The following ARHGAP21 variants were observed in gnomAD, a reference collection of about 807,000 sequenced individuals.
ARHGAP21 encodes the protein rho GTPase-activating protein 21.
In ARHGAP21, 38 loss-of-function variants were observed where a neutral mutation model predicts 164.6. The ratio of observed to expected loss-of-function variants is 0.23; its 90% CI spans 0.18 to 0.30. The LOEUF is 0.30. Ranked by LOEUF, ARHGAP21 falls within the 10% of genes least tolerant of loss-of-function variation. The pLI, the probability that ARHGAP21 is intolerant of heterozygous loss-of-function variation, is 1.00. For missense variants in ARHGAP21, 1,822 were observed against 2,370.7 expected (o/e 0.77, Z 4.81); for synonymous variants, 766 against 857.9 (o/e 0.89, Z 1.87).
intron 4 of ARHGAP21, among the ~76,000 whole-genome samples, chr10:24,662,696 T>C (rs1211007650): frequency 6.6e-6 from 1 of 152,242 alleles, no homozygotes; most frequent in African/African-American, 2.4e-5. Flanking sequence ...ACAGATCTTC[T>C]GGACTTAATA....
chr10:24,641,647 T>C (rs1211789436), intron 4 of ARHGAP21, among the ~76,000 whole-genome samples: 87 of 152,228 alleles, frequency 5.7e-4, no homozygotes, highest in Non-Finnish European at 5.9e-5. Flanking sequence ...AAGCAAACCA[T>C]GTTCTAACTG....
At chr10:24,685,002 T>C (rs574142677) in intron 2 of ARHGAP21, among the ~76,000 whole-genome samples, 1 of 152,196 alleles carries the variant, frequency 6.6e-6, no homozygotes, top group Non-Finnish European at 1.5e-5. Flanking sequence ...ATCTGCTTTA[T>C]ATACACTTTA....
At chr10:24,600,602 T>C in intron 14 of ARHGAP21, 44 bp downstream of exon 14, 1 of 1,583,018 alleles carries the variant, frequency 6.3e-7, no homozygotes. Flanking sequence ...TAAGAAAGTG[T>C]TGTGAAAGGG....
At chr10:24,636,283 G>A (rs1836372732) in intron 4 of ARHGAP21, among the ~76,000 whole-genome samples, 1 of 152,212 alleles carries the variant, frequency 6.6e-6, no homozygotes, top group Admixed American at 6.5e-5. Context: ...GGGGAAGAAG[G>A]AGGTACACGG....
intron 3 of ARHGAP21, among the ~76,000 whole-genome samples, chr10:24,668,223 A>G (rs1346905073): frequency 7.2e-5 from 11 of 152,216 alleles, no homozygotes; most frequent in Non-Finnish European, 1.6e-4. Context: ...AAGCGTAAGC[A>G]TGTCCTGGAA....
chr10:24,695,889 C>T (rs1258360109), intron 2 of ARHGAP21, among the ~76,000 whole-genome samples: 2 of 152,188 alleles, frequency 1.3e-5, no homozygotes, highest in East Asian at 3.9e-4. Flanking sequence ...AAGATGACTG[C>T]GGTTCTGGCT....
chr10:24,633,079 T>C (rs1835996185), intron 6 of ARHGAP21, among the ~76,000 whole-genome samples: 1 of 152,218 alleles, frequency 6.6e-6, no homozygotes. Context: ...AAACTATATA[T>C]GCATTTATTT....
chr10:24,715,971 T>A (rs893736500), intron 2 of ARHGAP21, among the ~76,000 whole-genome samples: 8 of 152,208 alleles, frequency 5.3e-5, no homozygotes, highest in African/African-American at 1.9e-4. Context: ...ATTGCACCAC[T>A]GCACTCAAGC....
At chr10:24,679,505 A>G (rs1331222144) in intron 2 of ARHGAP21, among the ~76,000 whole-genome samples, 1 of 152,198 alleles carries the variant, frequency 6.6e-6, no homozygotes, top group Non-Finnish European at 1.5e-5. Flanking sequence ...CACAGCATAT[A>G]ATTACATGTT....
At chr10:24,694,369 C>T (rs980607293) in intron 2 of ARHGAP21, among the ~76,000 whole-genome samples, 5 of 152,246 alleles carry the variant, frequency 3.3e-5, no homozygotes, top group African/African-American at 1.2e-4. Flanking sequence ...GATTTCAAGA[C>T]GGTTCCCGTC....
chr10:24,591,088 T>C lies in ARHGAP21; in HGVS notation c.4150+137A>G, dbSNP rs1592928967. 9 of 987,506 alleles carry C rather than the reference T, an allele frequency of 9.1e-6. No homozygotes were observed. In the East Asian group the frequency reaches 2.4e-4, roughly 26 times the overall value. The allele number at this position is 987,506 out of a possible 1,614,324, so 61.2% of individuals were successfully genotyped here. ...TTCAGATCAATTGGAAAAGGAAGATTAAGGTTTTTTATTAGTAGAAAGGAA... is the reference window on the plus strand; with the variant it reads ...TTCAGATCAATTGGAAAAGGAAGATCAAGGTTTTTTATTAGTAGAAAGGAA... On this transcript the variant is annotated intron_variant, in intron 24 of 25. Transcript: ENST00000396432.
At position 24,620,231 on chromosome 10, in the gene ARHGAP21, C is replaced by A. The variant is rs1834405084; in HGVS notation, c.1664G>T (p.Gly555Val). ...GCTTGGAGCCACAGTAAAATTGGAA[C>A]CTCGAAAAGATTTATGAATTTCTTG... ...RQQEIHKSFR[G>V]SNFTVAPSVV... The change falls in exon 9 of 26, where the codon GGT (glycine) becomes GTT (valine). Residue 555 changes from glycine (G) to valine (V), a missense_variant. Gly to Val is a moderately radical substitution (Grantham distance 109). Around this residue, in one of 5 missense-constraint regions of ARHGAP21, gnomAD observed 1,090 missense variants for 1,378.9 expected, o/e 0.79. Coordinates refer to ENST00000396432, the MANE Select transcript of ARHGAP21 (RefSeq NM_020824.4). 4 of 1,613,818 alleles carry A rather than the reference C, an allele frequency of 2.5e-6. No homozygotes were observed. In the African/African-American group the frequency reaches 5.3e-5, roughly 22 times the overall value.
chr10:24,649,009 T>G (rs370369133), intron 4 of ARHGAP21, among the ~76,000 whole-genome samples: 1 of 152,206 alleles, frequency 6.6e-6, no homozygotes, highest in Non-Finnish European at 1.5e-5. Context: ...TTTATTACCT[T>G]TGTGTGTGCT....
At chr10:24,676,348 A>G (rs1434579721) in intron 2 of ARHGAP21, among the ~76,000 whole-genome samples, 1 of 152,214 alleles carries the variant, frequency 6.6e-6, no homozygotes, top group Non-Finnish European at 1.5e-5. Context: ...AGTGTACTGC[A>G]TTACTGCATG....
chr10:24,709,908 T>A (rs1307371743), intron 2 of ARHGAP21, among the ~76,000 whole-genome samples: 1 of 152,136 alleles, frequency 6.6e-6, no homozygotes, highest in Non-Finnish European at 1.5e-5. Flanking sequence ...GGGAAGATAA[T>A]CTAGACACTC....
intron 2 of ARHGAP21, among the ~76,000 whole-genome samples, chr10:24,684,595 A>G (rs977715980): frequency 6.6e-6 from 1 of 152,216 alleles, no homozygotes. Context: ...TGACTGTTGA[A>G]TAACTGAGCA....
chr10:24,646,744 TA>T (rs939904683), intron 4 of ARHGAP21, among the ~76,000 whole-genome samples: 4 of 152,146 alleles, frequency 2.6e-5, no homozygotes, highest in African/African-American at 9.7e-5. Context: ...AACTTGTCTC[TA>T]AAAAAATTTT....
chr10:24,591,443 T>A, intron 23 of ARHGAP21, 113 bp from the exon 24 acceptor site: 1 of 1,083,164 alleles, frequency 9.2e-7, no homozygotes. Context: ...GTGCTTAATG[T>A]GTTTACATTG....
In ARHGAP21 at chr10:24,633,617, A is replaced by G. The variant is rs548296546; in HGVS notation, c.362-137T>C. 3.4e-5 allele frequency: 17 copies of G among 494,546 alleles called. No homozygotes were observed. The South Asian group carries it at 6.0e-4, about 17-fold the overall frequency. The allele number at this position is 494,546 out of a possible 1,614,324, so 30.6% of individuals were successfully genotyped here. On this transcript the variant is annotated intron_variant, in intron 5 of 25. Coordinates refer to ENST00000396432, the MANE Select transcript of ARHGAP21 (RefSeq NM_020824.4). ...ATAATAAAATACAGAGTTGTGAGAA[A>G]ATTATTAGTATCATAATTATAAAAC...
Sources: allele counts gnomAD v4.1 joint callset (sites outside exome capture counted in the v4.1 genomes callset), GRCh38; gene constraint gnomAD v4.1.1; regional missense constraint gnomAD v4.1.1; transcripts MANE v1.5; gene names NCBI Gene and HGNC (gene_info 2026-07-23, HGNC 2026-07-21).